Variants in GRK4 observed in about 807,000 individuals in gnomAD.
GRK4 encodes the protein G protein-coupled receptor kinase 4, also known as G protein-coupled receptor kinase 2-like.
A neutral mutation model predicts 77.9 loss-of-function variants in GRK4; 73 were observed. The observed-to-expected ratio is 0.94, with a 90% confidence interval of 0.78 to 1.14. The LOEUF (loss-of-function observed/expected upper bound fraction) is 1.14. GRK4 is among the 50% of genes most tolerant of loss of function. The pLI, the probability that GRK4 is intolerant of heterozygous loss-of-function variation, is 0.00. For synonymous variants in GRK4, 257 were observed against 254.4 expected (o/e 1.01, Z -0.10); for missense variants, 729 against 700.2 (o/e 1.04, Z -0.46).
At chr4:3,010,108 CTGTT>C (rs1164252670) in intron 7 of GRK4, among the ~76,000 whole-genome samples, 1 of 152,136 alleles carries the variant, frequency 6.6e-6, no homozygotes, top group Non-Finnish European at 1.5e-5. Flanking sequence ...TAACCCTACT[CTGTT>C]TGGACACGTA....
intron 1 of GRK4, among the ~76,000 whole-genome samples, chr4:2,975,139 CCAAAAATA>C (rs367649171): frequency 1.3e-5 from 2 of 152,238 alleles, no homozygotes; most frequent in African/African-American, 4.8e-5. Flanking sequence ...CCTGTCTCTA[CCAAAAATA>C]CAAAAATTAG....
At chr4:2,990,934 G>T (rs1431961868) in intron 3 of GRK4, among the ~76,000 whole-genome samples, 1 of 152,144 alleles carries the variant, frequency 6.6e-6, no homozygotes, top group Non-Finnish European at 1.5e-5. Context: ...CAGGCTCTGT[G>T]AGCTTCTCAA....
At chr4:2,996,614 A>C (rs1728004991) in intron 4 of GRK4, among the ~76,000 whole-genome samples, 1 of 152,174 alleles carries the variant, frequency 6.6e-6, no homozygotes, top group South Asian at 2.1e-4. Flanking sequence ...AGTGGCAATT[A>C]AATGTCATCA....
chr4:3,029,573 G>A (rs111800337), intron 12 of GRK4, among the ~76,000 whole-genome samples, 164 bp downstream of exon 12: 17 of 152,252 alleles, frequency 1.1e-4, no homozygotes, highest in African/African-American at 3.4e-4. Context: ...GGGAGGACAC[G>A]CGTGTTCAGG....
chr4:2,978,645 C>T (rs529520966), intron 1 of GRK4, among the ~76,000 whole-genome samples: 41 of 152,172 alleles, frequency 2.7e-4, no homozygotes, highest in African/African-American at 9.6e-4. Flanking sequence ...CAATTGCTGC[C>T]GTCCTAAAAA....
chr4:3,013,799 A>G lies in GRK4; in HGVS notation c.712A>G (p.Ile238Val). ...AGCTATGGCTCTAAATGAGAAAAGA[A>G]TTCTGGAGAAAGTGCAAAGTAGATT... ...GEAMALNEKRILEKVQSRFVV... is the reference protein window; with the variant it reads ...GEAMALNEKRVLEKVQSRFVV... Residue 238 changes from isoleucine (I) to valine (V), a missense_variant, in exon 8 of 16, where the codon ATT becomes GTT. Transcript: ENST00000398052. 1 of 1,610,804 alleles carries G rather than the reference A, an allele frequency of 6.2e-7. No individual in the cohort carries two copies. The highest frequency in any genetic ancestry group is 1.3e-5 in the African/African-American group (1 of 74,704).
intron 2 of GRK4, chr4:2,985,778 C>CT (rs751730414): frequency 3.2e-5 from 9 of 284,826 alleles, no homozygotes; most frequent in South Asian, 2.5e-4. Flanking sequence ...GTGGGCGGAT[C>CT]ACGAGATCAG....
intron 12 of GRK4, among the ~76,000 whole-genome samples, chr4:3,031,874 G>A (rs1481854820): frequency 6.6e-6 from 1 of 152,170 alleles, no homozygotes; most frequent in Non-Finnish European, 1.5e-5. Flanking sequence ...CTGGGTGTGG[G>A]CATTCCTAGC....
chr4:2,972,739 A>G (rs2109421460), intron 1 of GRK4, among the ~76,000 whole-genome samples: 1 of 151,938 alleles, frequency 6.6e-6, no homozygotes, highest in Non-Finnish European at 1.5e-5. Context: ...TACTCTTTAA[A>G]AAAATTTTTT....
rs1198429938 is a variant in GRK4 at position 2,984,561 on chromosome 4, T to C, written c.101T>C (p.Leu34Pro). 3 of 1,613,182 alleles carry C rather than the reference T, an allele frequency of 1.9e-6. No individual in the cohort carries two copies. The highest frequency in any genetic ancestry group is 3.3e-5 in the Admixed American group (2 of 59,894). Reference protein sequence around the residue: ...SGRSKKWKEILTLPPVSQCSE... With the variant: ...SGRSKKWKEIPTLPPVSQCSE... ...CGTAGTAAAAAATGGAAGGAGATACTGACACTGCCTCCTGTCAGCCAGTGC... is the reference window on the plus strand; with the variant it reads ...CGTAGTAAAAAATGGAAGGAGATACCGACACTGCCTCCTGTCAGCCAGTGC... The change falls in exon 2 of 16, where the codon CTG becomes CCG. Residue 34 changes from leucine to proline, a missense_variant. Transcript: ENST00000398052.
intron 15 of GRK4, 76 bp from the exon 16 acceptor site, chr4:3,040,495 TA>T: frequency 8.3e-7 from 1 of 1,207,594 alleles, no homozygotes; most frequent in Admixed American, 2.6e-5. Flanking sequence ...CAAAAGTTTG[TA>T]AATGGTTGTC....
chr4:3,021,669 G>A (rs945831562), intron 9 of GRK4, among the ~76,000 whole-genome samples: 18 of 152,198 alleles, frequency 1.2e-4, no homozygotes, highest in Non-Finnish European at 4.4e-5. Context: ...ATTGCTTAGA[G>A]GTAAGAGTCT....
chr4:2,964,989 G>GT (rs1468380917), intron 1 of GRK4, among the ~76,000 whole-genome samples: 2 of 152,082 alleles, frequency 1.3e-5, no homozygotes, highest in Admixed American at 6.5e-5. Context: ...CCAGTTCTTG[G>GT]TTTTTTCTTT....
chr4:2,979,243 A>G (rs528722739), intron 1 of GRK4, among the ~76,000 whole-genome samples: 4 of 151,644 alleles, frequency 2.6e-5, no homozygotes, highest in African/African-American at 9.7e-5. Flanking sequence ...AAACAAAAAA[A>G]AACCCCACAA....
At position 3,019,648 on chromosome 4, in the gene GRK4, T is replaced by A; in HGVS notation, c.749T>A (p.Leu250Ter). 1 of 1,610,572 alleles carries A rather than the reference T, an allele frequency of 6.2e-7. No homozygotes were observed. The highest frequency in any genetic ancestry group is 1.1e-5 in the South Asian group (1 of 90,606). ...TGATGTTGCTGTCTTTAGGTTAGTT[T>A]AGCCTACGCTTATGAAACCAAAGAT... Reference protein sequence around the residue: ...EKVQSRFVVSLAYAYETKDAL... With the variant: ...EKVQSRFVVS Residue 250 changes from leucine (L) to a stop codon, truncating the protein, a stop_gained, in exon 9 of 16, where the codon TTA (leucine) becomes TAA (stop). Transcript: ENST00000398052. LOFTEE classifies it high-confidence loss of function.
At position 2,973,573 on chromosome 4, in the gene GRK4, G is replaced by A. The variant is rs765709257; in HGVS notation, c.52+9451G>A. 2.0e-5 allele frequency among the ~76,000 whole-genome samples: 3 copies of A among 152,118 alleles called. No individual in the cohort carries two copies. In the East Asian group the frequency reaches 5.8e-4, roughly 29 times the overall value. On this transcript the variant is annotated intron_variant, in intron 1 of 15. Transcript: ENST00000398052. ...CTGCACCTCAGTTAATGCTCATGTA[G>A]CTGCACTTGACTTACTCGCACCCCC...
At chr4:2,991,346 C>T (rs915967331) in intron 3 of GRK4, among the ~76,000 whole-genome samples, 1 of 152,176 alleles carries the variant, frequency 6.6e-6, no homozygotes, top group Non-Finnish European at 1.5e-5. Flanking sequence ...AAACTTTAAT[C>T]GTATGTACAA....
intron 5 of GRK4, among the ~76,000 whole-genome samples, chr4:3,006,912 A>G (rs1399181564): frequency 3.3e-5 from 5 of 152,180 alleles, no homozygotes; most frequent in Non-Finnish European, 4.4e-5. Flanking sequence ...TTCATCTGGG[A>G]TGCCACAGAG....
chr4:3,005,641 A>G (rs35781129), intron 5 of GRK4, among the ~76,000 whole-genome samples: 20,592 of 151,876 alleles, frequency 0.14, 1,827 homozygotes, highest in African/African-American at 0.25. Flanking sequence ...CATCTCTCCA[A>G]AAAAATGCAA....
Sources: allele counts gnomAD v4.1 joint callset (sites outside exome capture counted in the v4.1 genomes callset), GRCh38; gene constraint gnomAD v4.1.1; transcripts MANE v1.5; gene names NCBI Gene and HGNC (gene_info 2026-07-23, HGNC 2026-07-21).